The following PCDHGA4 variants were observed in gnomAD, a reference collection of about 807,000 sequenced individuals.
PCDHGA4 encodes protocadherin gamma-A4.
PCDHGA4 carries 38 observed loss-of-function variants against 54.6 expected under a neutral mutation model. The ratio of observed to expected loss-of-function variants is 0.70; its 90% CI spans 0.54 to 0.91. PCDHGA4 has a LOEUF of 0.91. PCDHGA4 is among the 40% of genes least tolerant of loss of function. The pLI is 0.00. For missense variants in PCDHGA4, 1,298 were observed against 1,220.9 expected (o/e 1.06, Z -0.94); for synonymous variants, 511 against 512.9 (o/e 1.00, Z 0.05).
Position 141,431,137 on chromosome 5 carries a change from T to G in PCDHGA4, c.2515-63670T>G. 3 of 1,614,212 alleles carry G rather than the reference T, an allele frequency of 1.9e-6. No individual in the cohort carries two copies. The highest frequency in any genetic ancestry group is 2.2e-5 in the South Asian group (2 of 91,084). On this transcript the variant is annotated intron_variant, in intron 1 of 3. Coordinates refer to ENST00000571252, the MANE Select transcript of PCDHGA4 (RefSeq NM_018917.4). This position sits in a 1 kb window ranked among gnomAD's most constrained non-coding sequence, Gnocchi z 4.8. Reference sequence around the variant, plus strand: ...GAGTAGAAGTAGAAGTAAGGGACATTAACGACAATGCGCCTTACTTTCGTG... The same window carrying G: ...GAGTAGAAGTAGAAGTAAGGGACATGAACGACAATGCGCCTTACTTTCGTG...
intron 1 of PCDHGA4, chr5:141,370,596 G>C: frequency 6.2e-7 from 1 of 1,613,936 alleles, no homozygotes; most frequent in Non-Finnish European, 8.5e-7. Flanking sequence ...GAACCTGCGG[G>C]TTATTGCAGA....
At chr5:141,409,381 G>T (rs1258881607) in intron 1 of PCDHGA4, 1 of 1,614,018 alleles carries the variant, frequency 6.2e-7, no homozygotes, top group Admixed American at 1.7e-5. Context: ...TTCCATTCAA[G>T]ATTTATTCTT....
intron 1 of PCDHGA4, chr5:141,370,587 A>G (rs775639424): frequency 6.8e-6 from 11 of 1,613,960 alleles, no homozygotes; most frequent in Non-Finnish European, 8.5e-6. Context: ...ACCTACTAGG[A>G]ACCTGCGGGT....
chr5:141,382,218 T>C (rs188591705), intron 1 of PCDHGA4, among the ~76,000 whole-genome samples: 1 of 152,328 alleles, frequency 6.6e-6, no homozygotes, highest in East Asian at 1.9e-4. Flanking sequence ...TAGGTCTATA[T>C]ATTTTACAAC....
chr5:141,500,173 T>G (rs1666567886), intron 2 of PCDHGA4, among the ~76,000 whole-genome samples: 1 of 149,340 alleles, frequency 6.7e-6, no homozygotes, highest in East Asian at 1.9e-4. Context: ...ATGCATGAGC[T>G]TCATTTTTAT....
chr5:141,492,720 A>G (rs1161942205), intron 1 of PCDHGA4, among the ~76,000 whole-genome samples: 1 of 152,256 alleles, frequency 6.6e-6, no homozygotes, highest in East Asian at 1.9e-4. Context: ...GCAGGCGGAC[A>G]GGCAGAGCTG....
chr5:141,471,058 T>C (rs991869999), intron 1 of PCDHGA4, among the ~76,000 whole-genome samples: 2 of 149,826 alleles, frequency 1.3e-5, no homozygotes, highest in Non-Finnish European at 3.0e-5. Context: ...TTTTTTTTTT[T>C]TTTTTTTTGA....
chr5:141,399,561 G>A, intron 1 of PCDHGA4: 2 of 1,614,042 alleles, frequency 1.2e-6, no homozygotes, highest in Non-Finnish European at 1.7e-6. Flanking sequence ...TGGACTTGGG[G>A]TTGAACGGCC....
chr5:141,395,391 A>G, intron 1 of PCDHGA4: 2 of 944,730 alleles, frequency 2.1e-6, no homozygotes, highest in Non-Finnish European at 3.1e-6. Flanking sequence ...ATAAAATTGA[A>G]CTCTAATAGT....
At chr5:141,418,310 G>C (rs778649723) in intron 1 of PCDHGA4, 2 of 1,613,990 alleles carry the variant, frequency 1.2e-6, no homozygotes, top group Non-Finnish European at 1.7e-6. Context: ...CCTGGGGATG[G>C]GAACAATTCT....
chr5:141,465,502 G>A (rs948827391), intron 1 of PCDHGA4, among the ~76,000 whole-genome samples: 6 of 152,268 alleles, frequency 3.9e-5, no homozygotes, highest in Admixed American at 2.0e-4. Context: ...GAGCATTGTC[G>A]TGGTCAGGAA....
intron 1 of PCDHGA4, chr5:141,387,572 T>G: frequency 2.1e-6 from 1 of 480,808 alleles, no homozygotes; most frequent in South Asian, 3.5e-5. Context: ...CAATTATAAT[T>G]ATTGCACTGG....
chr5:141,393,708 G>A, intron 1 of PCDHGA4: 2 of 1,613,788 alleles, frequency 1.2e-6, no homozygotes, highest in South Asian at 1.1e-5. Context: ...TGAAAATACT[G>A]GGGAAATATC....
rs762433242 is a variant in PCDHGA4, at chr5:141,476,856, C to A, written c.2515-17951C>A. 2.5e-6 allele frequency: 4 copies of A among 1,613,762 alleles called. No individual in the cohort carries two copies. In the East Asian group the frequency reaches 6.7e-5, roughly 27 times the overall value. ...GACAATGCGCCTGTCTTCAACCAGTCCTTGTACCGGGCGCGCGTCCTGGAG... is the reference window on the plus strand; with the variant it reads ...GACAATGCGCCTGTCTTCAACCAGTACTTGTACCGGGCGCGCGTCCTGGAG... On this transcript the variant is annotated intron_variant, in intron 1 of 3. Coordinates refer to ENST00000571252, the MANE Select transcript of PCDHGA4 (RefSeq NM_018917.4). This position sits in a 1 kb window ranked among gnomAD's most constrained non-coding sequence, Gnocchi z 7.6.
At position 141,431,667 on chromosome 5, in the gene PCDHGA4, C is replaced by T. The variant is rs759257105; in HGVS notation, c.2515-63140C>T. ...GATTGTAATTCAGGGACAATATCAA[C>T]AATAGGGGAGTTGGACCACGAGGAG... On this transcript the variant is annotated intron_variant, in intron 1 of 3. Coordinates refer to ENST00000571252, the MANE Select transcript of PCDHGA4 (RefSeq NM_018917.4). This position sits in a 1 kb window ranked among gnomAD's most constrained non-coding sequence, Gnocchi z 4.8. 1 of 1,614,226 alleles carries T rather than the reference C, an allele frequency of 6.2e-7. No individual in the cohort carries two copies. The highest frequency in any genetic ancestry group is 1.3e-5 in the African/African-American group (1 of 75,072).
intron 1 of PCDHGA4, chr5:141,415,752 T>C: frequency 7.3e-7 from 1 of 1,372,622 alleles, no homozygotes; most frequent in Non-Finnish European, 9.4e-7. Flanking sequence ...TTTTTTTTTT[T>C]TTTTTTTTTT....
At chr5:141,437,426 C>G (rs531265278) in intron 1 of PCDHGA4, among the ~76,000 whole-genome samples, 2 of 152,150 alleles carry the variant, frequency 1.3e-5, no homozygotes, top group Non-Finnish European at 2.9e-5. Context: ...CTTTTTGAAG[C>G]AGCAATAGCA....
intron 1 of PCDHGA4, chr5:141,371,215 A>G: frequency 1.9e-6 from 3 of 1,614,052 alleles, no homozygotes; most frequent in East Asian, 2.2e-5. Flanking sequence ...GAGGGCATCA[A>G]TGCCGAAATC....
In PCDHGA4 at chr5:141,433,363, CTATCT is replaced by C. The variant is rs2097590943; in HGVS notation, c.2515-61443_2515-61439del. On this transcript the variant is annotated intron_variant, in intron 1 of 3. Transcript: ENST00000571252. ...TGCAAGCCACCTACTGTCTGCCTAT[CTATCT>C]ATCTATCTATCTATCTATCTATCTA... 4 of 463,386 alleles carry C rather than the reference CTATCT, an allele frequency of 8.6e-6. No homozygotes were observed. The African/African-American group carries it at 1.1e-4, about 13-fold the overall frequency. 28.7% of individuals were successfully genotyped at this position (463,386 alleles called of 1,614,324 possible). A position where few individuals can be genotyped will look rare whatever the true frequency, so the allele number is the denominator to read the frequency against.
Sources: gnomAD v4.1 joint callset for allele counts (sites outside exome capture counted in the v4.1 genomes callset) on GRCh38, gnomAD v4.1.1 for gene constraint, Gnocchi (gnomAD v3.1) non-coding constraint, MANE v1.5 for transcripts, NCBI Gene and HGNC (gene_info 2026-07-23, HGNC 2026-07-21) for gene names.